The following AVL9 variants were observed in gnomAD, a reference collection of about 807,000 sequenced individuals.
AVL9 encodes late secretory pathway protein AVL9 homolog.
In AVL9, 49 loss-of-function variants were observed where a neutral mutation model predicts 79.2. The observed-to-expected ratio is 0.62, with a 90% CI of 0.49 to 0.79. The LOEUF (loss-of-function observed/expected upper bound fraction) is 0.79, where lower values mean the gene tolerates loss of function less well. Among genes scored for constraint, AVL9 ranks in the 30% least tolerant of loss-of-function variants. The probability of loss-of-function intolerance (pLI) is 0.00; values close to 1 mark genes in which losing one functional copy is unlikely to be tolerated. For missense variants in AVL9, 682 were observed against 776.8 expected, an observed-to-expected ratio of 0.88 and a Z score of 1.45; for synonymous variants, 299 against 280.6, an observed-to-expected ratio of 1.07 and a Z score of -0.65.
At chr7:32,516,955 A>C (rs558863551) in intron 1 of AVL9, among the ~76,000 whole-genome samples, 2 of 152,154 alleles carry the variant, frequency 1.3e-5, no homozygotes, top group African/African-American at 4.8e-5. Context: ...ACCTGCAACT[A>C]TAAGGTTCCT....
At chr7:32,579,963 T>C (rs1486551681) in intron 13 of AVL9, among the ~76,000 whole-genome samples, 1 of 152,096 alleles carries the variant, frequency 6.6e-6, no homozygotes, top group East Asian at 1.9e-4. Flanking sequence ...TAAAACAGGC[T>C]ATACACACAC....
intron 1 of AVL9, among the ~76,000 whole-genome samples, chr7:32,509,083 C>T (rs979098027): frequency 3.9e-5 from 6 of 152,186 alleles, no homozygotes; most frequent in African/African-American, 1.2e-4. Context: ...ATGCTCTCAT[C>T]TGGGTAGGAT....
chr7:32,561,451 T>TC (rs1790329105), intron 10 of AVL9, among the ~76,000 whole-genome samples: 1 of 151,732 alleles, frequency 6.6e-6, no homozygotes, highest in Non-Finnish European at 1.5e-5. Context: ...GCTTCATACT[T>TC]CTGCATCTTC....
chr7:32,569,666 T>G (rs1790740236), intron 10 of AVL9, among the ~76,000 whole-genome samples: 1 of 152,244 alleles, frequency 6.6e-6, no homozygotes, highest in Non-Finnish European at 1.5e-5. Context: ...ACAACGTACT[T>G]ACTAACAGGC....
Position 32,584,211 on chromosome 7 carries a change from AAG to A in AVL9, c.*307_*308del, listed in dbSNP as rs1791658579. 3.0e-6 allele frequency: 1 copy of A among 332,316 alleles called. No homozygotes were observed. Among genetic ancestry groups the A allele is most frequent in the South Asian group, 4.0e-5 (1 of 25,256 alleles). The allele number at this position is 332,316 out of a possible 1,614,324, so 20.6% of individuals were successfully genotyped here. On this transcript the variant is annotated 3_prime_UTR_variant, in exon 16 of 16. Transcript: ENST00000318709. The stretch of plus-strand genomic sequence containing the variant: ...GATATTGTACATTGGTTTACTTTAG[AAG>A]AGTTTTTACTTATGTAAATTTTGTT...
chr7:32,511,623 C>T (rs552392403), intron 1 of AVL9, among the ~76,000 whole-genome samples: 8 of 152,054 alleles, frequency 5.3e-5, no homozygotes, highest in African/African-American at 9.6e-5. Context: ...GGCATACGGA[C>T]GCTCTGGAAT....
intron 13 of AVL9, among the ~76,000 whole-genome samples, chr7:32,577,470 C>T (rs1435693284): frequency 6.6e-6 from 1 of 152,176 alleles, no homozygotes; most frequent in Non-Finnish European, 1.5e-5. Flanking sequence ...CCCTCACTGA[C>T]AACAAAGTCT....
At chr7:32,498,319 A>G (rs1786956126) in intron 1 of AVL9, among the ~76,000 whole-genome samples, 2 of 127,126 alleles carry the variant, frequency 1.6e-5, no homozygotes, top group South Asian at 2.5e-4. Context: ...CGCGATCTCC[A>G]CTCACTGCAA....
At chr7:32,500,827 C>T (rs1787097414) in intron 1 of AVL9, among the ~76,000 whole-genome samples, 1 of 152,124 alleles carries the variant, frequency 6.6e-6, no homozygotes, top group Non-Finnish European at 1.5e-5. Flanking sequence ...CTGCATATGG[C>T]TTGCCTGTTT....
At chr7:32,506,083 A>AT (rs1430933266) in intron 1 of AVL9, among the ~76,000 whole-genome samples, 1 of 152,082 alleles carries the variant, frequency 6.6e-6, no homozygotes, top group African/African-American at 2.4e-5. Context: ...TATTTTTCTA[A>AT]TTTTTTTCCT....
At chr7:32,578,911 A>G (rs1383497932) in intron 13 of AVL9, among the ~76,000 whole-genome samples, 1 of 152,244 alleles carries the variant, frequency 6.6e-6, no homozygotes, top group Middle Eastern at 3.4e-3. Flanking sequence ...TTTAACTCCT[A>G]AAGATTAGGG....
At chr7:32,580,143 A>C in intron 13 of AVL9, 76 bp from the exon 14 acceptor site, 1 of 1,182,704 alleles carries the variant, frequency 8.5e-7, no homozygotes, top group Non-Finnish European at 1.2e-6. Flanking sequence ...AAGTTTACTA[A>C]TATTTTCTTG....
Position 32,553,777 on chromosome 7 carries a change from CTTAT to C in AVL9, c.570+14_570+17del. The C allele has an allele frequency of 1.2e-6, 2 of 1,600,850 alleles. No homozygotes were observed. The highest frequency in any genetic ancestry group is 1.1e-5 in the South Asian group (1 of 90,340). On this transcript the variant is annotated intron_variant, in intron 7 of 15. Coordinates refer to ENST00000318709, the MANE Select transcript of AVL9 (RefSeq NM_015060.3). ...TCATTTTCGACACAAGGTATGGTAC[CTTAT>C]TTAAATAAATTTATGATGTACAGTA... is the stretch of plus-strand genomic sequence containing the variant.
chr7:32,560,806 T>C (rs768427026), intron 10 of AVL9, among the ~76,000 whole-genome samples: 12 of 152,196 alleles, frequency 7.9e-5, no homozygotes, highest in Non-Finnish European at 1.5e-4. Context: ...AATAATAAGA[T>C]TTGAAAGTCA....
At chr7:32,528,912 A>C (rs1476559416) in intron 1 of AVL9, among the ~76,000 whole-genome samples, 1 of 152,100 alleles carries the variant, frequency 6.6e-6, no homozygotes, top group Non-Finnish European at 1.5e-5. Context: ...CGGGAGGCTG[A>C]GGCAGGAGAA....
chr7:32,548,527 A>G (rs1414516896), intron 3 of AVL9, among the ~76,000 whole-genome samples: 6 of 152,200 alleles, frequency 3.9e-5, no homozygotes. Flanking sequence ...ACCAGAATCA[A>G]CAGTGATTGA....
chr7:32,520,512 G>T (rs969500372), intron 1 of AVL9, among the ~76,000 whole-genome samples: 5 of 152,150 alleles, frequency 3.3e-5, no homozygotes, highest in African/African-American at 1.2e-4. Context: ...CCACTGTAAG[G>T]TCTGTTGTAA....
chr7:32,569,955 T>C lies in AVL9; in HGVS notation c.1216-65T>C, dbSNP rs1019631719. On this transcript the variant is annotated intron_variant, in intron 10 of 15. Transcript: ENST00000318709. ...GTTTCTTTTCCTACTGTTAGCTCAC[T>C]AAGTTTAAAGAGAAAGGTAACCTTT... 1.9e-6 allele frequency: 3 copies of C among 1,548,938 alleles called. No homozygotes were observed. The African/African-American group carries it at 4.1e-5, about 21-fold the overall frequency.
chr7:32,516,441 TAAATG>T (rs1787903285), intron 1 of AVL9, among the ~76,000 whole-genome samples: 1 of 152,108 alleles, frequency 6.6e-6, no homozygotes. Context: ...TTTTCATAGA[TAAATG>T]AGAGAATGAG....
Sources: allele counts gnomAD v4.1 joint callset (sites outside exome capture counted in the v4.1 genomes callset), GRCh38; gene constraint gnomAD v4.1.1; transcripts MANE v1.5; gene names NCBI Gene and HGNC (gene_info 2026-07-23, HGNC 2026-07-21).